RIMS1: variants seen among roughly 807,000 people sequenced by gnomAD.
The protein encoded by RIMS1 is regulating synaptic membrane exocytosis protein 1.
A neutral mutation model predicts 214.1 loss-of-function variants in RIMS1; 83 were observed. The ratio of observed to expected loss-of-function variants is 0.39; its 90% CI spans 0.32 to 0.47. RIMS1 has a LOEUF of 0.47. Ranked by LOEUF, RIMS1 falls within the 20% of genes least tolerant of loss-of-function variation. The pLI is 0.99. For missense variants in RIMS1, 2,050 were observed against 2,161.8 expected (o/e 0.95, Z 1.03); for synonymous variants, 793 against 786.8 (o/e 1.01, Z -0.13).
chr6:72,083,476 C>T (rs1232604674), intron 2 of RIMS1, among the ~76,000 whole-genome samples: 1 of 152,188 alleles, frequency 6.6e-6, no homozygotes, highest in South Asian at 2.1e-4. Context: ...TTCACTCTGA[C>T]TTCCATCTCA....
intron 29 of RIMS1, among the ~76,000 whole-genome samples, chr6:72,341,969 A>G (rs546698217): frequency 1.3e-4 from 20 of 151,974 alleles, no homozygotes; most frequent in African/African-American, 4.3e-4. Flanking sequence ...ATTTTCAAAC[A>G]GTTGTCAATT....
Position 72,398,244 on chromosome 6 carries a change from T to G in RIMS1, c.4619-5T>G. 6.3e-7 allele frequency: 1 copy of G among 1,581,092 alleles called. No individual in the cohort carries two copies. The highest frequency in any genetic ancestry group is 8.7e-7 in the Non-Finnish European group (1 of 1,155,332). On this transcript the variant is annotated splice_polypyrimidine_tract_variant and splice_region_variant and intron_variant, in intron 31 of 33. Transcript: ENST00000521978. Reference sequence around the variant, plus strand: ...GAAACACATCTTGCTCCTTTCCATTTGCAGGTGATATACAAATAGGAATGG... The same window carrying G: ...GAAACACATCTTGCTCCTTTCCATTGGCAGGTGATATACAAATAGGAATGG...
Position 72,235,611 on chromosome 6 carries a change from T to G in RIMS1, c.1747-7T>G. 1 of 1,590,246 alleles carries G rather than the reference T, an allele frequency of 6.3e-7. No homozygotes were observed. Among genetic ancestry groups the G allele is most frequent in the Non-Finnish European group, 8.6e-7 (1 of 1,161,448 alleles). ...ATTACTTTTTAAACTCATTCATGTTTTAACAGCATCCTGTAACGTGGCAAC... is the reference window on the plus strand; with the variant it reads ...ATTACTTTTTAAACTCATTCATGTTGTAACAGCATCCTGTAACGTGGCAAC... On this transcript the variant is annotated splice_region_variant and splice_polypyrimidine_tract_variant and intron_variant, in intron 7 of 33. Coordinates refer to ENST00000521978, the MANE Select transcript of RIMS1 (RefSeq NM_014989.7).
chr6:72,282,074 G>T (rs919362725), intron 23 of RIMS1, among the ~76,000 whole-genome samples: 3 of 151,940 alleles, frequency 2.0e-5, no homozygotes, highest in Non-Finnish European at 2.9e-5. Context: ...ATGACAGTAA[G>T]TTTTGTGGGT....
chr6:72,156,597 G>A (rs1447529401), intron 4 of RIMS1, among the ~76,000 whole-genome samples: 1 of 139,914 alleles, frequency 7.1e-6, no homozygotes. Context: ...CTTGAAATCT[G>A]GTAAGAGAAT....
At chr6:72,267,722 TCC>T (rs2081259660) in intron 22 of RIMS1, among the ~76,000 whole-genome samples, 2 of 152,102 alleles carry the variant, frequency 1.3e-5, no homozygotes, top group South Asian at 4.2e-4. Flanking sequence ...TAGCATATGT[TCC>T]CTTGTGACAC....
chr6:71,970,839 A>G, intron 2 of RIMS1, among the ~76,000 whole-genome samples: 1 of 152,206 alleles, frequency 6.6e-6, no homozygotes, highest in Non-Finnish European at 1.5e-5. Context: ...AATGTTTGTG[A>G]ATGGAACTCT....
At chr6:72,264,421 G>C (rs1012695968) in intron 19 of RIMS1, among the ~76,000 whole-genome samples, 2 of 152,142 alleles carry the variant, frequency 1.3e-5, no homozygotes, top group African/African-American at 4.8e-5. Context: ...TCTGGATCCA[G>C]ACAGAAGCTG....
At chr6:72,306,138 A>G (rs2095135328) in intron 26 of RIMS1, among the ~76,000 whole-genome samples, 1 of 152,130 alleles carries the variant, frequency 6.6e-6, no homozygotes, top group African/African-American at 2.4e-5. Flanking sequence ...TCAGCAGCCA[A>G]GTCAATCAAA....
intron 4 of RIMS1, among the ~76,000 whole-genome samples, chr6:72,151,297 C>G (rs1164431008): frequency 6.6e-6 from 1 of 152,156 alleles, no homozygotes; most frequent in Non-Finnish European, 1.5e-5. Context: ...CCGCCTCTGC[C>G]TCCCAAAGTG....
intron 1 of RIMS1, among the ~76,000 whole-genome samples, chr6:71,895,144 G>T (rs902090269): frequency 2.0e-5 from 3 of 152,170 alleles, no homozygotes; most frequent in Admixed American, 6.5e-5. Flanking sequence ...AACTAATGTA[G>T]TAATCTTGAT....
chr6:72,028,129 T>C (rs1309685510), intron 2 of RIMS1, among the ~76,000 whole-genome samples: 1 of 152,140 alleles, frequency 6.6e-6, no homozygotes. Flanking sequence ...AGTACAATGA[T>C]TATTTGATTT....
chr6:72,189,663 T>C (rs2049737729), intron 6 of RIMS1, among the ~76,000 whole-genome samples: 1 of 152,128 alleles, frequency 6.6e-6, no homozygotes, highest in Non-Finnish European at 1.5e-5. Flanking sequence ...TGCTGGCAAA[T>C]TGGGCACTCA....
At chr6:72,012,366 A>T (rs1189929371) in intron 2 of RIMS1, among the ~76,000 whole-genome samples, 1 of 152,148 alleles carries the variant, frequency 6.6e-6, no homozygotes, top group Non-Finnish European at 1.5e-5. Flanking sequence ...GCATTAGGAG[A>T]TATACCTAAT....
At chr6:71,985,956 T>C (rs1318994786) in intron 2 of RIMS1, among the ~76,000 whole-genome samples, 2 of 152,222 alleles carry the variant, frequency 1.3e-5, no homozygotes, top group African/African-American at 2.4e-5. Flanking sequence ...AGTTCTATAC[T>C]TTGAATATCT....
chr6:72,015,768 T>C (rs1454505949), intron 2 of RIMS1, among the ~76,000 whole-genome samples: 1 of 151,882 alleles, frequency 6.6e-6, no homozygotes, highest in Non-Finnish European at 1.5e-5. Flanking sequence ...CTACTAAAAA[T>C]ACAAAAAATT....
At chr6:71,907,984 AC>A (rs1775759188) in intron 1 of RIMS1, among the ~76,000 whole-genome samples, 1 of 152,136 alleles carries the variant, frequency 6.6e-6, no homozygotes, top group South Asian at 2.1e-4. Context: ...AAAGTAAGAG[AC>A]TTTTGCCTTT....
At chr6:72,230,361 G>C (rs2061559482) in intron 6 of RIMS1, among the ~76,000 whole-genome samples, 1 of 151,500 alleles carries the variant, frequency 6.6e-6, no homozygotes, top group Non-Finnish European at 1.5e-5. Flanking sequence ...CAAGGCTTTG[G>C]GACAGATAAG....
intron 1 of RIMS1, among the ~76,000 whole-genome samples, chr6:71,907,769 A>T (rs1775689435): frequency 6.6e-6 from 1 of 152,322 alleles, no homozygotes; most frequent in Admixed American, 6.5e-5. Flanking sequence ...CATTTAACTC[A>T]TGAGAAAATC....
Sources: allele counts gnomAD v4.1 joint callset (sites outside exome capture counted in the v4.1 genomes callset), GRCh38; gene constraint gnomAD v4.1.1; transcripts MANE v1.5; gene names NCBI Gene and HGNC (gene_info 2026-07-23, HGNC 2026-07-21).